MECOM: variants seen among roughly 807,000 people sequenced by gnomAD.
The protein encoded by MECOM is histone-lysine N-methyltransferase MECOM.
A neutral mutation model predicts 116.3 loss-of-function variants in MECOM; 13 were observed. The ratio of observed to expected loss-of-function variants is 0.11; its 90% CI spans 0.07 to 0.18. MECOM has a LOEUF of 0.18. Among genes scored for constraint, MECOM ranks in the 10% least tolerant of loss-of-function variants. The pLI is 1.00. For missense variants in MECOM, 1,299 were observed against 1,509.0 expected (o/e 0.86, Z 2.31); for synonymous variants, 528 against 535.2 (o/e 0.99, Z 0.19).
At chr3:169,502,098 C>T (rs2108981672) in intron 1 of MECOM, among the ~76,000 whole-genome samples, 1 of 152,140 alleles carries the variant, frequency 6.6e-6, no homozygotes, top group South Asian at 2.1e-4. Context: ...ATTGTTTTCT[C>T]GCAGGCCAGG....
chr3:169,117,973 G>A (rs1338286168), intron 7 of MECOM, among the ~76,000 whole-genome samples: 1 of 152,216 alleles, frequency 6.6e-6, no homozygotes, highest in East Asian at 1.9e-4. Flanking sequence ...GTACCTTGTT[G>A]GTAATTGTTG....
intron 8 of MECOM, 134 bp downstream of exon 8, chr3:169,115,249 T>C (rs1728779434): frequency 2.2e-6 from 2 of 929,132 alleles, no homozygotes; most frequent in South Asian, 2.5e-5. Flanking sequence ...AAAAAATGAG[T>C]TCACTAGATC....
chr3:169,334,049 A>T (rs577430394), intron 2 of MECOM, among the ~76,000 whole-genome samples: 6 of 152,144 alleles, frequency 3.9e-5, no homozygotes, highest in East Asian at 1.9e-4. Flanking sequence ...TTCTTAAAAA[A>T]AAATAAATAA....
intron 2 of MECOM, among the ~76,000 whole-genome samples, chr3:169,267,126 A>G (rs1383497219): frequency 6.6e-6 from 1 of 152,208 alleles, no homozygotes; most frequent in Non-Finnish European, 1.5e-5. Context: ...CCATGTTGAG[A>G]ATGTGAGATT....
intron 1 of MECOM, among the ~76,000 whole-genome samples, chr3:169,662,943 C>T (rs997550739): frequency 4.6e-5 from 7 of 151,860 alleles, no homozygotes; most frequent in African/African-American, 1.7e-4. Flanking sequence ...AACTCTCCCC[C>T]GCCTGGGGGG....
chr3:169,506,820 T>G (rs1755289495), intron 1 of MECOM, among the ~76,000 whole-genome samples: 1 of 152,144 alleles, frequency 6.6e-6, no homozygotes, highest in South Asian at 2.1e-4. Context: ...TTAAGTAGAG[T>G]TACTTGGTCC....
chr3:169,275,532 T>C (rs1347348192), intron 2 of MECOM, among the ~76,000 whole-genome samples: 6 of 152,194 alleles, frequency 3.9e-5, no homozygotes, highest in Admixed American at 1.3e-4. Context: ...TGGAACATTG[T>C]TACCCTGCTA....
At chr3:169,628,638 G>T (rs937534213) in intron 1 of MECOM, among the ~76,000 whole-genome samples, 1 of 152,182 alleles carries the variant, frequency 6.6e-6, no homozygotes, top group East Asian at 1.9e-4. Flanking sequence ...TCAGGGGACG[G>T]AACAATTCAT....
At chr3:169,245,163 G>A (rs1360635317) in intron 2 of MECOM, among the ~76,000 whole-genome samples, 1 of 152,066 alleles carries the variant, frequency 6.6e-6, no homozygotes, top group East Asian at 1.9e-4. Context: ...CAAACAATTT[G>A]AAATATGCAA....
intron 1 of MECOM, among the ~76,000 whole-genome samples, chr3:169,391,792 T>A (rs1219986766): frequency 6.6e-6 from 1 of 152,158 alleles, no homozygotes; most frequent in Non-Finnish European, 1.5e-5. Flanking sequence ...GTATGGTCTC[T>A]GGAAATTGTC....
At chr3:169,654,813 A>AACACACACAC (rs10622808) in intron 1 of MECOM, among the ~76,000 whole-genome samples, 3,758 of 148,044 alleles carry the variant, frequency 0.025, 151 homozygotes, top group African/African-American at 0.087. Context: ...CACCTATCAA[A>AACACACACAC]ACACACACAC....
At chr3:169,386,661 T>G (rs1733369593) in intron 1 of MECOM, among the ~76,000 whole-genome samples, 1 of 152,190 alleles carries the variant, frequency 6.6e-6, no homozygotes, top group Non-Finnish European at 1.5e-5. Context: ...ATGTTGCTTC[T>G]AATTTTCTGA....
At chr3:169,309,789 C>G (rs536932242) in intron 2 of MECOM, among the ~76,000 whole-genome samples, 2 of 141,820 alleles carry the variant, frequency 1.4e-5, no homozygotes, top group Admixed American at 6.7e-5. Flanking sequence ...TGTGCTACCA[C>G]ATGACAGCAC....
chr3:169,324,809 G>A (rs750453138), intron 2 of MECOM, among the ~76,000 whole-genome samples: 15 of 152,200 alleles, frequency 9.9e-5, no homozygotes, highest in Non-Finnish European at 1.9e-4. Flanking sequence ...GGAAGAACTT[G>A]TTCTGACAGC....
chr3:169,409,653 T>C (rs1737240137), intron 1 of MECOM, among the ~76,000 whole-genome samples: 1 of 152,338 alleles, frequency 6.6e-6, no homozygotes, highest in East Asian at 1.9e-4. Flanking sequence ...ATAGACGCTT[T>C]GCAAGAATGA....
At chr3:169,539,212 TC>T (rs983669819) in intron 1 of MECOM, among the ~76,000 whole-genome samples, 1 of 152,194 alleles carries the variant, frequency 6.6e-6, no homozygotes, top group African/African-American at 2.4e-5. Context: ...TGAGTAATCT[TC>T]ACTCAAATCA....
At chr3:169,452,726 T>G (rs1453979567) in intron 1 of MECOM, among the ~76,000 whole-genome samples, 2 of 152,216 alleles carry the variant, frequency 1.3e-5, no homozygotes, top group Non-Finnish European at 2.9e-5. Context: ...TTGCCATATA[T>G]TTCTTGAATG....
At chr3:169,544,048 G>A (rs1211946920) in intron 1 of MECOM, among the ~76,000 whole-genome samples, 1 of 152,172 alleles carries the variant, frequency 6.6e-6, no homozygotes, top group Non-Finnish European at 1.5e-5. Flanking sequence ...ACCACACCCA[G>A]ATAATTTTTT....
chr3:169,558,663 T>A (rs747412043), intron 1 of MECOM, among the ~76,000 whole-genome samples: 26 of 152,202 alleles, frequency 1.7e-4, no homozygotes, highest in Non-Finnish European at 2.8e-4. Context: ...GAAATAACAA[T>A]GAGGCCTTTT....
Sources: allele counts gnomAD v4.1 joint callset (sites outside exome capture counted in the v4.1 genomes callset), GRCh38; gene constraint gnomAD v4.1.1; transcripts MANE v1.5; gene names NCBI Gene and HGNC (gene_info 2026-07-23, HGNC 2026-07-21).